Variants in CACNA1C observed in about 807,000 individuals in gnomAD.
The protein encoded by CACNA1C is calcium voltage-gated channel subunit alpha1 C, also known as voltage-dependent L-type calcium channel subunit alpha-1C.
CACNA1C carries 30 observed loss-of-function variants against 229.0 expected under a neutral mutation model. That is an observed-to-expected ratio of 0.13 (90% CI 0.10 to 0.18). The LOEUF (loss-of-function observed/expected upper bound fraction) is 0.18, where lower values mean the gene tolerates loss of function less well. Ranked by LOEUF, CACNA1C falls within the 10% of genes least tolerant of loss-of-function variation. CACNA1C has a pLI of 1.00. For synonymous variants in CACNA1C, 1,114 were observed against 1,132.5 expected (o/e 0.98, Z 0.33); for missense variants, 1,658 against 2,845.0 (o/e 0.58, Z 9.49).
At chr12:2,392,252 C>T (rs1427211486) in intron 3 of CACNA1C, among the ~76,000 whole-genome samples, 1 of 152,212 alleles carries the variant, frequency 6.6e-6, no homozygotes, top group African/African-American at 2.4e-5. Context: ...TTCTACTGAG[C>T]CATCTATTTA....
chr12:2,264,578 A>T lies in CACNA1C; in HGVS notation c.477+144148A>T, dbSNP rs544189786. Among the ~76,000 whole-genome samples, 11 of 152,262 alleles carry T rather than the reference A, an allele frequency of 7.2e-5. No homozygotes were observed. The South Asian group carries it at 2.3e-3, about 32-fold the overall frequency. ...TTTTCCTAAATGCTGTGGCTCAGAG[A>T]TGGCTGTGTGCTCGTGGTTCCTCCT... On this transcript the variant is annotated intron_variant, in intron 3 of 46. Transcript: ENST00000399655.
intron 3 of CACNA1C, among the ~76,000 whole-genome samples, chr12:2,418,447 C>T (rs746318882): frequency 2.8e-4 from 43 of 152,222 alleles, no homozygotes; most frequent in African/African-American, 8.2e-4. Context: ...GCGGGCCTGA[C>T]GAGGGCAGGG....
chr12:2,454,716 C>T (rs1224575041), intron 4 of CACNA1C, among the ~76,000 whole-genome samples: 1 of 152,168 alleles, frequency 6.6e-6, no homozygotes, highest in East Asian at 1.9e-4. Context: ...CCTGAGGGCC[C>T]TCCTGCTTTG....
chr12:2,041,362 T>C (rs531490364), intron 1 of CACNA1C, among the ~76,000 whole-genome samples: 13 of 146,302 alleles, frequency 8.9e-5, no homozygotes, highest in African/African-American at 3.1e-4. Flanking sequence ...CTGCAAGCTC[T>C]GCCTCCCAGG....
At chr12:2,540,538 AC>A (rs2099867179) in intron 9 of CACNA1C, among the ~76,000 whole-genome samples, 1 of 152,126 alleles carries the variant, frequency 6.6e-6, no homozygotes, top group African/African-American at 2.4e-5. Context: ...CAGAGCCTCT[AC>A]CGAAACTCCT....
At position 2,136,012 on chromosome 12, in the gene CACNA1C, C is replaced by T. The variant is rs562608930; in HGVS notation, c.477+15582C>T. On this transcript the variant is annotated intron_variant, in intron 3 of 46. Coordinates refer to ENST00000399655, the MANE Select transcript of CACNA1C (RefSeq NM_000719.7). ...AGGTGTGGGATATAGTCTCGTGGTG[C>T]GCCGTTTTTTAAGCCGGTCTGAAAA... is the stretch of plus-strand genomic sequence containing the variant. Among the ~76,000 whole-genome samples, 30 of 150,532 alleles carry T rather than the reference C, an allele frequency of 2.0e-4. 2 individuals are homozygous for T. The highest frequency in any genetic ancestry group is 2.7e-4 in the Non-Finnish European group (18 of 67,476).
chr12:2,095,764 A>T (rs139492318), intron 1 of CACNA1C, among the ~76,000 whole-genome samples: 21 of 152,288 alleles, frequency 1.4e-4, no homozygotes, highest in African/African-American at 4.8e-4. Flanking sequence ...GAGTGCATGC[A>T]TCCTATGAGG....
chr12:2,262,876 ATTG>A lies in CACNA1C; in HGVS notation c.477+142451_477+142453del, dbSNP rs567168576. On this transcript the variant is annotated intron_variant, in intron 3 of 46. Coordinates refer to ENST00000399655, the MANE Select transcript of CACNA1C (RefSeq NM_000719.7). ...AACAAATAATGGTCAAGGGCTGGGC[ATTG>A]TTGTAGGTGCATCACTAGTTACCTC... Among the ~76,000 whole-genome samples, 389 of 152,318 alleles carry A rather than the reference ATTG, an allele frequency of 2.6e-3. 2 individuals are homozygous for A. The highest frequency in any genetic ancestry group is 9.0e-3 in the African/African-American group (375 of 41,576).
chr12:2,691,273 C>T lies in CACNA1C; in HGVS notation c.*74C>T. On this transcript the variant is annotated 3_prime_UTR_variant, in exon 47 of 47. Transcript: ENST00000399655. Reference sequence around the variant, plus strand: ...ATGGGTTCGTTTCAGAAGTGCCTCACTGTTCTCGTGACCTGGAGTTAACCG... The same window carrying T: ...ATGGGTTCGTTTCAGAAGTGCCTCATTGTTCTCGTGACCTGGAGTTAACCG... 7.3e-7 allele frequency: 1 copy of T among 1,374,718 alleles called. No homozygotes were observed. The highest frequency in any genetic ancestry group is 9.7e-7 in the Non-Finnish European group (1 of 1,034,698). 85.2% of individuals were successfully genotyped at this position (1,374,718 alleles called of 1,614,324 possible).
At chr12:2,041,168 A>G (rs1376557481) in intron 1 of CACNA1C, among the ~76,000 whole-genome samples, 2 of 151,908 alleles carry the variant, frequency 1.3e-5, no homozygotes, top group Non-Finnish European at 2.9e-5. Context: ...GGTTAAAAAC[A>G]TACTTAAAAT....
At chr12:2,103,028 G>C (rs902723529) in intron 1 of CACNA1C, among the ~76,000 whole-genome samples, 3 of 152,112 alleles carry the variant, frequency 2.0e-5, no homozygotes, top group African/African-American at 7.2e-5. Flanking sequence ...TATTGTGAAC[G>C]GTGCCGCAGT....
At position 2,566,545 on chromosome 12, in the gene CACNA1C, G is replaced by A; in HGVS notation, c.1632G>A (p.Glu544=). ...VFLNTLTIAS[E]HYNQPNWLTE... ...TCAACACGCTCACCATTGCCTCTGA[G>A]CACTACAACCAGCCCAACTGGCTCA... The change falls in exon 12 of 47, where the codon GAG becomes GAA. Residue 544 remains glutamate (E), a synonymous_variant. Coordinates refer to ENST00000399655, the MANE Select transcript of CACNA1C (RefSeq NM_000719.7). The surrounding 1 kb of genome is among the most constrained non-coding windows in gnomAD (Gnocchi z 4.0). 6.3e-7 allele frequency: 1 copy of A among 1,599,316 alleles called. No individual in the cohort carries two copies. The highest frequency in any genetic ancestry group is 8.5e-7 in the Non-Finnish European group (1 of 1,173,194).
At chr12:2,606,684 A>AGCCAGG in intron 25 of CACNA1C, 21 bp downstream of exon 25, 1 of 1,603,086 alleles carries the variant, frequency 6.2e-7, no homozygotes, top group Non-Finnish European at 8.5e-7. Context: ...GTGGGAGGGC[A>AGCCAGG]GCCAGGGCCA....
intron 3 of CACNA1C, among the ~76,000 whole-genome samples, chr12:2,331,158 C>A (rs1357311038): frequency 6.6e-6 from 1 of 152,044 alleles, no homozygotes; most frequent in Non-Finnish European, 1.5e-5. Flanking sequence ...AAGTGTTCAA[C>A]CTCAGCAATA....
intron 1 of CACNA1C, among the ~76,000 whole-genome samples, chr12:2,037,157 CATCT>C (rs1176554330): frequency 3.9e-5 from 6 of 152,190 alleles, no homozygotes; most frequent in African/African-American, 1.4e-4. Context: ...CATCCTGCCT[CATCT>C]ATACATAGGA....
intron 29 of CACNA1C, among the ~76,000 whole-genome samples, chr12:2,622,938 G>A (rs1250033621): frequency 1.3e-5 from 2 of 152,164 alleles, no homozygotes; most frequent in Non-Finnish European, 2.9e-5. Context: ...AGCCTCGTGG[G>A]GATAACCCTG....
chr12:2,239,796 C>A (rs1328244269), intron 3 of CACNA1C, among the ~76,000 whole-genome samples: 1 of 152,166 alleles, frequency 6.6e-6, no homozygotes, highest in Non-Finnish European at 1.5e-5. Context: ...CATCTGTTCC[C>A]CGGGCTGCAG....
At chr12:2,563,326 C>G (rs1415161160) in intron 11 of CACNA1C, among the ~76,000 whole-genome samples, 1 of 152,118 alleles carries the variant, frequency 6.6e-6, no homozygotes, top group Non-Finnish European at 1.5e-5. Context: ...TAAATAGTGC[C>G]GCAGTGAACA....
intron 9 of CACNA1C, among the ~76,000 whole-genome samples, chr12:2,524,495 G>A (rs1598871696): frequency 6.6e-6 from 1 of 152,224 alleles, no homozygotes; most frequent in Admixed American, 6.5e-5. Flanking sequence ...TGTCAGTCAG[G>A]GTTGGTGGAC....
Sources: allele counts gnomAD v4.1 joint callset (sites outside exome capture counted in the v4.1 genomes callset), GRCh38; gene constraint gnomAD v4.1.1; non-coding constraint Gnocchi (gnomAD v3.1); transcripts MANE v1.5; gene names NCBI Gene and HGNC (gene_info 2026-07-23, HGNC 2026-07-21).